Variants in ATP8A2 observed in about 807,000 individuals in gnomAD.
ATP8A2 encodes ATPase phospholipid transporting 8A2, also known as phospholipid-transporting ATPase IB.
A neutral mutation model predicts 165.6 loss-of-function variants in ATP8A2; 100 were observed. The observed-to-expected ratio is 0.60, with a 90% CI of 0.51 to 0.71. ATP8A2 has a LOEUF of 0.71. Among genes scored for constraint, ATP8A2 ranks in the 30% least tolerant of loss-of-function variants. The pLI is 0.00. For missense variants in ATP8A2, 1,227 were observed against 1,479.5 expected (o/e 0.83, Z 2.80); for synonymous variants, 543 against 548.8 (o/e 0.99, Z 0.15).
chr13:25,864,287 A>T lies in ATP8A2; in HGVS notation c.3183+1879A>T, dbSNP rs118016349. 7.0e-4 allele frequency among the ~76,000 whole-genome samples: 107 copies of T among 152,308 alleles called. No homozygotes were observed. In the East Asian group the frequency reaches 0.017, roughly 24 times the overall value. On this transcript the variant is annotated intron_variant, in intron 33 of 36. Transcript: ENST00000381655. ...GGCATGTGACTGACAGACAAAGCCCATTCCTTTGAAAGCTCCTCCTGAGTC... is the reference window on the plus strand; with the variant it reads ...GGCATGTGACTGACAGACAAAGCCCTTTCCTTTGAAAGCTCCTCCTGAGTC...
At chr13:25,695,984 T>C (rs2042826582) in intron 24 of ATP8A2, among the ~76,000 whole-genome samples, 1 of 152,210 alleles carries the variant, frequency 6.6e-6, no homozygotes, top group South Asian at 2.1e-4. Context: ...CTGTCTATGG[T>C]AGTATGAAAT....
chr13:25,792,240 A>G (rs2138411341), intron 27 of ATP8A2, among the ~76,000 whole-genome samples: 1 of 152,326 alleles, frequency 6.6e-6, no homozygotes. Flanking sequence ...TTCAAGTATA[A>G]AGGCTTTCAT....
chr13:25,881,073 CA>C (rs1952964717), intron 33 of ATP8A2: 1 of 277,154 alleles, frequency 3.6e-6, no homozygotes. Flanking sequence ...CCAGGAAGAA[CA>C]AAATTCAACA....
intron 27 of ATP8A2, among the ~76,000 whole-genome samples, chr13:25,822,434 T>A (rs1951207071): frequency 6.6e-6 from 1 of 152,220 alleles, no homozygotes. Context: ...ATTACAGTGT[T>A]GTTTCCCCAG....
intron 27 of ATP8A2, among the ~76,000 whole-genome samples, chr13:25,825,229 T>C (rs2138587430): frequency 7.8e-6 from 1 of 128,808 alleles, no homozygotes; most frequent in East Asian, 2.7e-4. Flanking sequence ...TGGTCAGAGC[T>C]CACTGCTGCT....
chr13:25,962,030 A>G (rs1250929220), intron 34 of ATP8A2, among the ~76,000 whole-genome samples: 1 of 152,196 alleles, frequency 6.6e-6, no homozygotes, highest in African/African-American at 2.4e-5. Flanking sequence ...GTCTTTAAAT[A>G]AAAAGAAACA....
intron 24 of ATP8A2, among the ~76,000 whole-genome samples, chr13:25,677,629 A>G (rs1225770224): frequency 2.0e-5 from 3 of 152,202 alleles, no homozygotes; most frequent in Admixed American, 2.0e-4. Context: ...AGGAGTATAG[A>G]AGATTTTGAT....
chr13:25,450,302 T>C (rs1297127806), intron 1 of ATP8A2, among the ~76,000 whole-genome samples: 1 of 152,220 alleles, frequency 6.6e-6, no homozygotes, highest in African/African-American at 2.4e-5. Context: ...TGTGTCTTTA[T>C]AATAAAATGA....
chr13:25,822,379 C>A (rs1206232378), intron 27 of ATP8A2, among the ~76,000 whole-genome samples: 7 of 152,174 alleles, frequency 4.6e-5, no homozygotes, highest in Non-Finnish European at 5.9e-5. Flanking sequence ...CAAACGAAAA[C>A]TAAATTAAAC....
rs368095096 is a variant in ATP8A2 at position 25,640,801 on chromosome 13, A to C, written c.2211+51102A>C. Among the ~76,000 whole-genome samples the C allele has an allele frequency of 4.6e-5, 7 of 152,318 alleles. 1 individual carries two copies. The East Asian group carries it at 1.2e-3, about 25-fold the overall frequency. On this transcript the variant is annotated intron_variant, in intron 24 of 36. Coordinates refer to ENST00000381655, the MANE Select transcript of ATP8A2 (RefSeq NM_016529.6). Reference sequence around the variant, plus strand: ...CCAAAGCCTGGCAGAGACACAACAAAAAAAGAGAATTTTAGACCAATATCC... The same window carrying C: ...CCAAAGCCTGGCAGAGACACAACAACAAAAGAGAATTTTAGACCAATATCC...
At chr13:25,760,501 C>T (rs2044359921) in intron 25 of ATP8A2, among the ~76,000 whole-genome samples, 1 of 151,996 alleles carries the variant, frequency 6.6e-6, no homozygotes, top group African/African-American at 2.4e-5. Context: ...ACTTAACATC[C>T]AACGTAAGAG....
At chr13:25,523,171 A>G (rs1244963500) in intron 2 of ATP8A2, among the ~76,000 whole-genome samples, 1 of 151,378 alleles carries the variant, frequency 6.6e-6, no homozygotes, top group Non-Finnish European at 1.5e-5. Flanking sequence ...ATATTGGCCT[A>G]TAATTTTCTT....
intron 1 of ATP8A2, among the ~76,000 whole-genome samples, chr13:25,410,685 T>C (rs1187133081): frequency 6.6e-6 from 1 of 152,194 alleles, no homozygotes; most frequent in East Asian, 1.9e-4. Flanking sequence ...TCCTCATCCA[T>C]AAATGGGATG....
At chr13:25,698,575 T>C (rs1265410394) in intron 24 of ATP8A2, among the ~76,000 whole-genome samples, 1 of 152,114 alleles carries the variant, frequency 6.6e-6, no homozygotes, top group Non-Finnish European at 1.5e-5. Flanking sequence ...GTGCTTTAAT[T>C]CCATGTGATA....
In ATP8A2 at chr13:25,563,945, C is replaced by A; in HGVS notation, c.1398-11C>A. The A allele has an allele frequency of 2.5e-6, 4 of 1,597,516 alleles. No homozygotes were observed. Among genetic ancestry groups the A allele is most frequent in the African/African-American group, 1.3e-5 (1 of 74,686 alleles). ...TTAAATTGAATAAATTTTCTCTGTT[C>A]TCTCTTACAGTCGGATGCCTCCTCC... is the stretch of plus-strand genomic sequence containing the variant. On this transcript the variant is annotated splice_polypyrimidine_tract_variant and intron_variant, in intron 15 of 36. Transcript: ENST00000381655.
At chr13:25,857,249 A>T (rs1220361253) in intron 30 of ATP8A2, among the ~76,000 whole-genome samples, 2 of 152,152 alleles carry the variant, frequency 1.3e-5, no homozygotes, top group African/African-American at 4.8e-5. Flanking sequence ...CACCCTGTAG[A>T]TCCCCATTTA....
chr13:25,512,901 A>G (rs577570451), intron 2 of ATP8A2, among the ~76,000 whole-genome samples: 15,701 of 102,372 alleles, frequency 0.15, 1,143 homozygotes, highest in Non-Finnish European at 0.2. Context: ...GTGGCTGGCC[A>G]GGCGGGGGGC....
intron 35 of ATP8A2, among the ~76,000 whole-genome samples, chr13:25,997,450 G>T (rs1049579573): frequency 5.9e-5 from 9 of 152,066 alleles, no homozygotes; most frequent in African/African-American, 1.4e-4. Flanking sequence ...CTTTAGAATT[G>T]CTCTGTAAGT....
intron 25 of ATP8A2, among the ~76,000 whole-genome samples, chr13:25,738,340 TC>T (rs55875449): frequency 0.35 from 34,435 of 98,472 alleles, 4,399 homozygotes; most frequent in East Asian, 0.58. Flanking sequence ...TGTGCCCCCC[TC>T]CCCCCCCCCC....
Sources: allele counts gnomAD v4.1 joint callset (sites outside exome capture counted in the v4.1 genomes callset), GRCh38; gene constraint gnomAD v4.1.1; transcripts MANE v1.5; gene names NCBI Gene and HGNC (gene_info 2026-07-23, HGNC 2026-07-21).